Variants in VMP1 observed in about 807,000 individuals in gnomAD.
VMP1 encodes vacuole membrane protein 1.
In VMP1, 11 loss-of-function variants were observed where a neutral mutation model predicts 56.0. The observed-to-expected ratio is 0.20, with a 90% CI of 0.12 to 0.32. The LOEUF (loss-of-function observed/expected upper bound fraction) is 0.32. VMP1 is among the 10% of genes least tolerant of loss of function. VMP1 has a pLI of 1.00. For missense variants in VMP1, 296 were observed against 490.3 expected, an observed-to-expected ratio of 0.60 and a Z score of 3.74; for synonymous variants, 149 against 165.0, an observed-to-expected ratio of 0.90 and a Z score of 0.74.
chr17:59,794,556 A>G (rs2037367683), intron 7 of VMP1, among the ~76,000 whole-genome samples: 1 of 120,434 alleles, frequency 8.3e-6, no homozygotes, highest in African/African-American at 3.4e-5. Context: ...TTTTTTAACG[A>G]AAATCTAAGT....
chr17:59,714,592 A>G (rs1371484504), intron 1 of VMP1, among the ~76,000 whole-genome samples: 1 of 149,866 alleles, frequency 6.7e-6, no homozygotes, highest in Non-Finnish European at 1.5e-5. Flanking sequence ...TCAAATGTAT[A>G]TATATAATTA....
chr17:59,765,765 G>A (rs184763829), intron 6 of VMP1, among the ~76,000 whole-genome samples: 68 of 152,138 alleles, frequency 4.5e-4, no homozygotes, highest in Non-Finnish European at 8.8e-4. Flanking sequence ...GGTGGAGGAG[G>A]TAGATGGGGA....
rs1290320349 is a variant in VMP1, at chr17:59,838,410, TC to T, written c.1077+15del. 1 of 1,613,464 alleles carries T rather than the reference TC, an allele frequency of 6.2e-7. No individual in the cohort carries two copies. The highest frequency in any genetic ancestry group is 8.5e-7 in the Non-Finnish European group (1 of 1,179,546). On this transcript the variant is annotated intron_variant, in intron 11 of 11. Transcript: ENST00000262291. ...GGGCACACCACAGGTAAGACTTTAA[TC>T]CGGTTTCTTCTCCCCTCTGGGAAGT...
intron 6 of VMP1, among the ~76,000 whole-genome samples, chr17:59,768,046 G>A (rs1180581538): frequency 6.6e-6 from 1 of 151,930 alleles, no homozygotes; most frequent in Non-Finnish European, 1.5e-5. Context: ...GGAGGCAGAG[G>A]TTGCAGTGAG....
intron 3 of VMP1, 101 bp from the exon 4 acceptor site, chr17:59,737,352 T>C: frequency 8.7e-7 from 1 of 1,146,816 alleles, no homozygotes; most frequent in Non-Finnish European, 1.2e-6. Context: ...TCAGCCCAGC[T>C]GAGCTAGGTA....
At chr17:59,751,643 C>CTGAGG (rs139207094) in intron 5 of VMP1, among the ~76,000 whole-genome samples, 37,002 of 144,198 alleles carry the variant, frequency 0.26, 5,030 homozygotes, top group East Asian at 0.43. Flanking sequence ...ACTTGGGAGG[C>CTGAGG]TGAGGTGAGA....
At chr17:59,788,561 T>G (rs1023692163) in intron 7 of VMP1, among the ~76,000 whole-genome samples, 4 of 151,960 alleles carry the variant, frequency 2.6e-5, no homozygotes, top group Admixed American at 2.6e-4. Flanking sequence ...CCCAGCACTT[T>G]GGGAGGCCGA....
intron 7 of VMP1, among the ~76,000 whole-genome samples, chr17:59,801,376 A>T (rs1372265777): frequency 6.7e-6 from 1 of 149,852 alleles, no homozygotes; most frequent in African/African-American, 2.4e-5. Flanking sequence ...ATCCCGAGTA[A>T]CTGGGAACAC....
intron 8 of VMP1, among the ~76,000 whole-genome samples, chr17:59,809,420 G>A (rs1308616793): frequency 8.0e-6 from 1 of 125,254 alleles, no homozygotes; most frequent in Non-Finnish European, 1.6e-5. Context: ...GGGTTCAAAC[G>A]ATTCTCCTGC....
intron 11 of VMP1, 72 bp from the exon 12 acceptor site, chr17:59,839,696 T>C (rs926157855): frequency 6.5e-7 from 1 of 1,527,196 alleles, no homozygotes; most frequent in Non-Finnish European, 8.8e-7. Context: ...TCAAGCATTA[T>C]AGATGATCCT....
intron 10 of VMP1, among the ~76,000 whole-genome samples, chr17:59,833,543 G>T (rs138668991): frequency 6.6e-6 from 1 of 152,170 alleles, no homozygotes; most frequent in African/African-American, 2.4e-5. Flanking sequence ...TTAACCTCTT[G>T]TCTGTTTTCA....
chr17:59,749,598 C>T (rs1259539641), intron 5 of VMP1, among the ~76,000 whole-genome samples: 4 of 151,780 alleles, frequency 2.6e-5, no homozygotes, highest in African/African-American at 4.8e-5. Flanking sequence ...GCAATCTCCA[C>T]CTCGTGGGTT....
chr17:59,834,917 G>T (rs886264851), intron 10 of VMP1, among the ~76,000 whole-genome samples: 2 of 150,352 alleles, frequency 1.3e-5, no homozygotes, highest in East Asian at 2.0e-4. Flanking sequence ...AACCACCGAG[G>T]CTGGTCTAAT....
At chr17:59,782,627 C>G (rs1168872786) in intron 7 of VMP1, among the ~76,000 whole-genome samples, 1 of 152,040 alleles carries the variant, frequency 6.6e-6, no homozygotes, top group Non-Finnish European at 1.5e-5. Context: ...GTAAAACCTC[C>G]AATTTGATAG....
At chr17:59,762,984 C>G (rs1355410396) in intron 5 of VMP1, among the ~76,000 whole-genome samples, 1 of 152,114 alleles carries the variant, frequency 6.6e-6, no homozygotes, top group Non-Finnish European at 1.5e-5. Flanking sequence ...TTTTTGTTCA[C>G]TTGAAATTCA....
intron 5 of VMP1, among the ~76,000 whole-genome samples, chr17:59,750,728 C>G (rs954843381): frequency 6.6e-6 from 1 of 152,036 alleles, no homozygotes; most frequent in African/African-American, 2.4e-5. Context: ...AAATTAATAG[C>G]ATTTGTAAAC....
chr17:59,769,340 G>T (rs950143173), intron 6 of VMP1, among the ~76,000 whole-genome samples: 3 of 151,500 alleles, frequency 2.0e-5, no homozygotes, highest in African/African-American at 7.3e-5. Context: ...TTTTAGTAGA[G>T]ACAGGGTTTC....
chr17:59,835,710 G>A (rs1185580657), intron 10 of VMP1, among the ~76,000 whole-genome samples: 2 of 150,232 alleles, frequency 1.3e-5, no homozygotes, highest in Admixed American at 6.6e-5. Context: ...GGCTGGTCTC[G>A]AACTCCCGAC....
intron 6 of VMP1, among the ~76,000 whole-genome samples, chr17:59,771,923 A>G (rs2036441355): frequency 6.6e-6 from 1 of 151,972 alleles, no homozygotes; most frequent in Non-Finnish European, 1.5e-5. Context: ...GTTTTTGCCT[A>G]TATCCATGTA....
Sources: gnomAD v4.1 joint callset for allele counts (sites outside exome capture counted in the v4.1 genomes callset) on GRCh38, gnomAD v4.1.1 for gene constraint, MANE v1.5 for transcripts, NCBI Gene and HGNC (gene_info 2026-07-23, HGNC 2026-07-21) for gene names.